UBE2H: variants seen among roughly 807,000 people sequenced by gnomAD.
The protein encoded by UBE2H is ubiquitin-conjugating enzyme E2 H.
Under a neutral mutation model 29.0 loss-of-function variants are expected in UBE2H, and 3 were observed. The ratio of observed to expected loss-of-function variants is 0.10; its 90% CI spans 0.05 to 0.27. The LOEUF is 0.27. UBE2H is among the 10% of genes least tolerant of loss of function. UBE2H has a pLI of 1.00. For missense variants in UBE2H, 68 were observed against 228.2 expected (o/e 0.30, Z 4.52); for synonymous variants, 69 against 82.9 (o/e 0.83, Z 0.91).
chr7:129,908,485 T>G (rs765320052), intron 1 of UBE2H, among the ~76,000 whole-genome samples: 4 of 152,242 alleles, frequency 2.6e-5, no homozygotes, highest in Non-Finnish European at 4.4e-5. Flanking sequence ...GAAACCCTAC[T>G]GTGAAAAGAT....
chr7:129,868,283 T>C (rs1267504080), intron 3 of UBE2H, among the ~76,000 whole-genome samples: 2 of 152,124 alleles, frequency 1.3e-5, no homozygotes, highest in African/African-American at 4.8e-5. Flanking sequence ...AAAGGCAGAA[T>C]TAAAACTGGC....
chr7:129,940,657 T>C (rs1218699547), intron 1 of UBE2H, among the ~76,000 whole-genome samples: 1 of 152,166 alleles, frequency 6.6e-6, no homozygotes, highest in African/African-American at 2.4e-5. Flanking sequence ...CTCTTAAGCA[T>C]ATGGCTGCCA....
intron 3 of UBE2H, among the ~76,000 whole-genome samples, chr7:129,859,320 A>G (rs1805759600): frequency 1.3e-5 from 2 of 152,208 alleles, no homozygotes; most frequent in African/African-American, 4.8e-5. Context: ...TTCAAGCTCT[A>G]AATCTGGAGG....
intron 1 of UBE2H, among the ~76,000 whole-genome samples, chr7:129,948,784 G>A (rs369523037): frequency 1.4e-4 from 22 of 152,214 alleles, no homozygotes; most frequent in East Asian, 1.2e-3. Flanking sequence ...ATTATTATCC[G>A]ATCTACTTTT....
At chr7:129,942,212 CAA>C (rs966117564) in intron 1 of UBE2H, among the ~76,000 whole-genome samples, 44 of 36,742 alleles carry the variant, frequency 1.2e-3, no homozygotes, top group Non-Finnish European at 1.7e-3. Context: ...GACTCGGTCT[CAA>C]AAAAAAAAAA....
intron 1 of UBE2H, among the ~76,000 whole-genome samples, chr7:129,885,155 A>G (rs190871955): frequency 1.3e-5 from 2 of 152,312 alleles, no homozygotes; most frequent in African/African-American, 2.4e-5. Context: ...CTCCACTAAT[A>G]TATGTGTCTG....
At chr7:129,899,081 A>G (rs1806657435) in intron 1 of UBE2H, among the ~76,000 whole-genome samples, 1 of 152,176 alleles carries the variant, frequency 6.6e-6, no homozygotes, top group Non-Finnish European at 1.5e-5. Context: ...GTATAATGTC[A>G]ATATACCATA....
In UBE2H at chr7:129,880,957, T is replaced by C; in HGVS notation, c.68A>G (p.His23Arg). 6.2e-7 allele frequency: 1 copy of C among 1,613,606 alleles called. No individual in the cohort carries two copies. The highest frequency in any genetic ancestry group is 8.5e-7 in the Non-Finnish European group (1 of 1,179,850). ...AAGTCCTCCCAGGATCGTAACCTCA[T>C]GTTTACTCTCGATGCTAAGGTGGAC... is the stretch of plus-strand genomic sequence containing the variant. ...TDVVKLIESK[H>R]EVTILGGLNE... Residue 23 changes from histidine to arginine, a missense_variant, in exon 2 of 7, where the codon CAT becomes CGT. His to Arg is a conservative substitution (Grantham distance 29). Coordinates refer to ENST00000355621, the MANE Select transcript of UBE2H (RefSeq NM_003344.4).
At chr7:129,848,253 C>T (rs61332425) in intron 5 of UBE2H, among the ~76,000 whole-genome samples, 1,865 of 152,202 alleles carry the variant, frequency 0.012, 32 homozygotes, top group African/African-American at 0.04. Context: ...AAACACATCA[C>T]TATGTACCCC....
chr7:129,888,602 G>A (rs751562399), intron 1 of UBE2H, among the ~76,000 whole-genome samples: 2 of 152,170 alleles, frequency 1.3e-5, no homozygotes, highest in Admixed American at 6.5e-5. Context: ...GGCCTCCCGA[G>A]TAGCTGGGAT....
intron 1 of UBE2H, among the ~76,000 whole-genome samples, chr7:129,887,680 T>TGTAATCCCAGCACTTTGGGAGG (rs376637404): frequency 1.0e-4 from 15 of 150,602 alleles, no homozygotes; most frequent in Non-Finnish European, 1.5e-4. Context: ...GGCTCACACC[T>TGTAATCCCAGCACTTTGGGAGG]CCTGAGGTCG....
intron 5 of UBE2H, among the ~76,000 whole-genome samples, chr7:129,842,870 C>T (rs778044984): frequency 4.6e-5 from 7 of 151,750 alleles, no homozygotes; most frequent in African/African-American, 1.5e-4. Context: ...GCCATTGCAC[C>T]GCAGCCTGTG....
At chr7:129,855,648 G>A (rs1034502379) in intron 5 of UBE2H, among the ~76,000 whole-genome samples, 3 of 152,172 alleles carry the variant, frequency 2.0e-5, no homozygotes, top group South Asian at 2.1e-4. Flanking sequence ...AGAGAGAGAC[G>A]AGAACAAGAC....
chr7:129,880,846 CAG>C (rs770200399), intron 2 of UBE2H, 47 bp downstream of exon 2: 1 of 1,513,456 alleles, frequency 6.6e-7, no homozygotes, highest in South Asian at 1.2e-5. Flanking sequence ...TATTAAGAAA[CAG>C]AGTAAAAGAC....
intron 1 of UBE2H, among the ~76,000 whole-genome samples, chr7:129,911,634 TG>T (rs1274957716): frequency 4.6e-5 from 7 of 152,034 alleles, no homozygotes; most frequent in Non-Finnish European, 8.8e-5. Context: ...TGCACATATA[TG>T]TTTTTTTTAA....
chr7:129,894,913 T>C (rs948541959), intron 1 of UBE2H, among the ~76,000 whole-genome samples: 1 of 152,158 alleles, frequency 6.6e-6, no homozygotes, highest in Non-Finnish European at 1.5e-5. Context: ...TCTGCAAACT[T>C]GGACTGAACC....
At position 129,834,671 on chromosome 7, in the gene UBE2H, T is replaced by A. The variant is rs897952570; in HGVS notation, c.*266A>T. 2 of 310,198 alleles carry A rather than the reference T, an allele frequency of 6.4e-6. No individual in the cohort carries two copies. The highest frequency in any genetic ancestry group is 4.5e-5 in the Admixed American group (1 of 22,426). 19.2% of individuals were successfully genotyped at this position (310,198 alleles called of 1,614,324 possible). ...ACAGTTCAGTAGCACACAGGCTGAC[T>A]TGGCCACATGGACTCATGAATGCAT... is the stretch of plus-strand genomic sequence containing the variant. On this transcript the variant is annotated 3_prime_UTR_variant, in exon 7 of 7. Transcript: ENST00000355621.
chr7:129,836,206 T>A (rs1805321812), intron 6 of UBE2H, among the ~76,000 whole-genome samples: 1 of 152,246 alleles, frequency 6.6e-6, no homozygotes, highest in African/African-American at 2.4e-5. Context: ...AATTTTATTT[T>A]TAACCTCTAA....
chr7:129,835,756 C>CT (rs1164324669), intron 6 of UBE2H, among the ~76,000 whole-genome samples: 1 of 152,152 alleles, frequency 6.6e-6, no homozygotes, highest in East Asian at 1.9e-4. Flanking sequence ...CCTAAAAACT[C>CT]TAAGTGCATA....
Sources: gnomAD v4.1 joint callset for allele counts (sites outside exome capture counted in the v4.1 genomes callset) on GRCh38, gnomAD v4.1.1 for gene constraint, MANE v1.5 for transcripts, NCBI Gene and HGNC (gene_info 2026-07-23, HGNC 2026-07-21) for gene names.